Variants in RABGAP1 observed in about 807,000 individuals in gnomAD.
RABGAP1 encodes the protein RAB GTPase activating protein 1.
RABGAP1 carries 23 observed loss-of-function variants against 137.6 expected under a neutral mutation model. The ratio of observed to expected loss-of-function variants is 0.17; its 90% CI spans 0.12 to 0.24. The LOEUF is 0.24. Among genes scored for constraint, RABGAP1 ranks in the 10% least tolerant of loss-of-function variants. The probability of loss-of-function intolerance (pLI) is 1.00; values close to 1 mark genes in which losing one functional copy is unlikely to be tolerated. For synonymous variants in RABGAP1, 451 were observed against 450.7 expected, an observed-to-expected ratio of 1.00 and a Z score of -0.01; for missense variants, 906 against 1,275.8, an observed-to-expected ratio of 0.71 and a Z score of 4.42.
intron 21 of RABGAP1, among the ~76,000 whole-genome samples, chr9:123,091,538 C>T (rs887542775): frequency 6.6e-6 from 1 of 152,060 alleles, no homozygotes; most frequent in African/African-American, 2.4e-5. Flanking sequence ...TTTCAGCTCA[C>T]CTTGGACACC....
chr9:123,012,664 AAG>A (rs2030907039), intron 11 of RABGAP1, among the ~76,000 whole-genome samples: 1 of 152,246 alleles, frequency 6.6e-6, no homozygotes, highest in Non-Finnish European at 1.5e-5. Flanking sequence ...ACTAGAACAT[AAG>A]CTCTGTGAAG....
chr9:123,050,108 C>T (rs552019787), intron 13 of RABGAP1, among the ~76,000 whole-genome samples: 11 of 152,200 alleles, frequency 7.2e-5, no homozygotes, highest in Non-Finnish European at 1.3e-4. Context: ...ACTCCAGTCT[C>T]CACACAATTA....
In RABGAP1 at chr9:122,996,304, G is replaced by C. The variant is rs1205117938; in HGVS notation, c.1034+153G>C. 2.2e-5 allele frequency: 29 copies of C among 1,326,204 alleles called. No individual in the cohort carries two copies. The South Asian group carries it at 4.1e-4, about 19-fold the overall frequency. 82.2% of individuals were successfully genotyped at this position (1,326,204 alleles called of 1,614,324 possible). A position where few individuals can be genotyped will look rare whatever the true frequency, so the allele number is the denominator to read the frequency against. Reference sequence around the variant, plus strand: ...ACTGAAGTCAGTGCTTCATTACTTTGAAATAGCTACTATAAATAATCAGCT... The same window carrying C: ...ACTGAAGTCAGTGCTTCATTACTTTCAAATAGCTACTATAAATAATCAGCT... On this transcript the variant is annotated intron_variant, in intron 7 of 25. Coordinates refer to ENST00000373647, the MANE Select transcript of RABGAP1 (RefSeq NM_012197.4).
chr9:122,968,805 G>T (rs1473918228), intron 2 of RABGAP1, among the ~76,000 whole-genome samples: 1 of 151,980 alleles, frequency 6.6e-6, no homozygotes, highest in Non-Finnish European at 1.5e-5. Flanking sequence ...AGTAGAGACG[G>T]GGTTTTGCCA....
chr9:122,966,786 A>G (rs1372074620), intron 2 of RABGAP1, among the ~76,000 whole-genome samples: 3 of 152,196 alleles, frequency 2.0e-5, no homozygotes, highest in African/African-American at 7.2e-5. Context: ...ATGGACTTAC[A>G]GTTCCACACA....
chr9:122,959,008 C>CA (rs1450756937), intron 2 of RABGAP1, among the ~76,000 whole-genome samples: 1 of 150,510 alleles, frequency 6.6e-6, no homozygotes, highest in Non-Finnish European at 1.5e-5. Context: ...GATCCTGTCT[C>CA]AAAAAAGAAA....
chr9:122,985,865 A>G lies in RABGAP1; in HGVS notation c.386-350A>G, dbSNP rs1173690153. On this transcript the variant is annotated intron_variant, in intron 3 of 25. Transcript: ENST00000373647. ...TTTTGGATTTTGGAATATGCATATA[A>G]TTACCTGCTGAGCACCCCAAATCCA... Among the ~76,000 whole-genome samples the G allele has an allele frequency of 3.3e-5, 5 of 152,182 alleles. No individual in the cohort carries two copies. In the East Asian group the frequency reaches 9.6e-4, roughly 29 times the overall value.
intron 13 of RABGAP1, among the ~76,000 whole-genome samples, chr9:123,053,396 T>C (rs1018328123): frequency 1.3e-5 from 2 of 152,188 alleles, no homozygotes; most frequent in Admixed American, 6.5e-5. Flanking sequence ...GAGAGAATTA[T>C]TTTACCTCAG....
At chr9:123,008,008 CAT>C (rs574736599) in intron 10 of RABGAP1, among the ~76,000 whole-genome samples, 66 of 150,256 alleles carry the variant, frequency 4.4e-4, no homozygotes, top group African/African-American at 1.5e-3. Flanking sequence ...TTATATTTAA[CAT>C]ATATAATTCA....
chr9:122,950,895 A>G (rs563383441), intron 1 of RABGAP1, among the ~76,000 whole-genome samples: 3 of 152,338 alleles, frequency 2.0e-5, no homozygotes, highest in Non-Finnish European at 2.9e-5. Flanking sequence ...CTAAATCAGA[A>G]CTAAGAAAAG....
intron 17 of RABGAP1, 25 bp from the exon 18 acceptor site, chr9:123,076,220 G>C: frequency 6.2e-7 from 1 of 1,603,988 alleles, no homozygotes; most frequent in Non-Finnish European, 8.5e-7. Flanking sequence ...AACTGACAGT[G>C]TTCTTTTTGT....
chr9:122,979,775 T>C (rs760880092), intron 2 of RABGAP1, among the ~76,000 whole-genome samples: 30 of 152,268 alleles, frequency 2.0e-4, no homozygotes, highest in Non-Finnish European at 3.8e-4. Flanking sequence ...CATATATGTG[T>C]GCATCTGTTT....
At chr9:122,942,853 G>A (rs1222684923) in intron 1 of RABGAP1, among the ~76,000 whole-genome samples, 1 of 151,738 alleles carries the variant, frequency 6.6e-6, no homozygotes, top group Non-Finnish European at 1.5e-5. Context: ...CATAATTAAA[G>A]TTGAAATATT....
chr9:122,970,020 C>T (rs971943390), intron 2 of RABGAP1, among the ~76,000 whole-genome samples: 1 of 151,990 alleles, frequency 6.6e-6, no homozygotes, highest in African/African-American at 2.4e-5. Context: ...GTGCCTTAGT[C>T]TCCTGAATAG....
chr9:123,100,669 T>C (rs1029827825), intron 24 of RABGAP1, among the ~76,000 whole-genome samples: 5 of 152,186 alleles, frequency 3.3e-5, no homozygotes, highest in African/African-American at 1.2e-4. Context: ...TCCACCCGCC[T>C]TGGCCTCCCA....
chr9:122,934,875 G>A, the RABGAP1 span, among the ~76,000 whole-genome samples: 1 of 152,136 alleles, frequency 6.6e-6, no homozygotes, highest in Non-Finnish European at 1.5e-5. Context: ...AGAGTGCTGG[G>A]ATTATAGGCA....
At chr9:123,016,447 C>T in intron 12 of RABGAP1, among the ~76,000 whole-genome samples, 1 of 152,186 alleles carries the variant, frequency 6.6e-6, no homozygotes, top group South Asian at 2.1e-4. Context: ...TTTGAGGCTG[C>T]AGTGAGCCTT....
intron 6 of RABGAP1, among the ~76,000 whole-genome samples, chr9:122,991,904 T>A (rs968857375): frequency 1.3e-5 from 2 of 152,180 alleles, no homozygotes; most frequent in Non-Finnish European, 2.9e-5. Flanking sequence ...TCCTGACTAT[T>A]TCTATTCTCA....
At chr9:123,028,740 A>G (rs1449667005) in intron 13 of RABGAP1, among the ~76,000 whole-genome samples, 3 of 152,228 alleles carry the variant, frequency 2.0e-5, no homozygotes, top group Non-Finnish European at 4.4e-5. Context: ...TTTATAAGGC[A>G]GTATGCAAAG....
Sources: gnomAD v4.1 joint callset for allele counts (sites outside exome capture counted in the v4.1 genomes callset) on GRCh38, gnomAD v4.1.1 for gene constraint, MANE v1.5 for transcripts, NCBI Gene and HGNC (gene_info 2026-07-23, HGNC 2026-07-21) for gene names.